Variants in STEAP2 observed in about 807,000 individuals in gnomAD.
STEAP2 encodes STEAP2 metalloreductase, also known as metalloreductase STEAP2.
Under a neutral mutation model 46.4 loss-of-function variants are expected in STEAP2, and 30 were observed. The ratio of observed to expected loss-of-function variants is 0.65; its 90% confidence interval spans 0.48 to 0.88. The LOEUF is 0.88. Ranked by LOEUF, STEAP2 falls within the 40% of genes least tolerant of loss-of-function variation. The probability of loss-of-function intolerance (pLI) is 0.00; values close to 1 mark genes in which losing one functional copy is unlikely to be tolerated. For synonymous variants in STEAP2, 180 were observed against 200.5 expected (o/e 0.90, Z 0.86); for missense variants, 513 against 579.3 (o/e 0.89, Z 1.18).
In STEAP2 at chr7:90,233,173, A is replaced by G; in HGVS notation, c.*549A>G. The G allele has an allele frequency of 1.0e-6, 1 of 979,520 alleles. No homozygotes were observed. The highest frequency in any genetic ancestry group is 1.2e-6 in the Non-Finnish European group (1 of 824,840). 60.7% of individuals were successfully genotyped at this position (979,520 alleles called of 1,614,324 possible). A position where few individuals can be genotyped will look rare whatever the true frequency, so the allele number is the denominator to read the frequency against. On this transcript the variant is annotated 3_prime_UTR_variant, in exon 6 of 6. Coordinates refer to ENST00000394621, the MANE Select transcript of STEAP2 (RefSeq NM_001244944.2). ...TTTGAAGGATGAAATTAATTGTATG[A>G]AGCAATGTGATTATATGAAGAGACA...
rs566184255 is a variant in STEAP2, at chr7:90,211,873, T to C, written c.-319T>C. The C allele has an allele frequency of 9.4e-3, 1,430 of 152,394 alleles. 7 individuals are homozygous for C. Among genetic ancestry groups the C allele is most frequent in the South Asian group, 0.033 (158 of 4,832 alleles). 9.4% of individuals were successfully genotyped at this position (152,394 alleles called of 1,614,324 possible). ...CTGGCTGTTCGCGATCCAGCTTGGGTAGGCGGGGAAGCAGCTGGAGTGCGA... is the reference window on the plus strand; with the variant it reads ...CTGGCTGTTCGCGATCCAGCTTGGGCAGGCGGGGAAGCAGCTGGAGTGCGA... On this transcript the variant is annotated 5_prime_UTR_variant, in exon 1 of 6. Coordinates refer to ENST00000394621, the MANE Select transcript of STEAP2 (RefSeq NM_001244944.2).
At chr7:90,242,191 A>T (rs1008767043), downstream of STEAP2, among the ~76,000 whole-genome samples, 3 of 152,152 alleles carry the variant, frequency 2.0e-5, no homozygotes, top group African/African-American at 7.2e-5. Flanking sequence ...AAATGTTAGA[A>T]GTGGGGAGCT....
downstream of STEAP2, chr7:90,238,229 G>T (rs1338257810): frequency 1.4e-6 from 1 of 696,544 alleles, no homozygotes; most frequent in African/African-American, 1.8e-5. Context: ...CTTTGTGCCT[G>T]TGCACCAGAT....
Position 90,235,792 on chromosome 7 carries a change from T to G in STEAP2, c.*3168T>G, listed in dbSNP as rs1795943332. On this transcript the variant is annotated 3_prime_UTR_variant, in exon 6 of 6. Coordinates refer to ENST00000394621, the MANE Select transcript of STEAP2 (RefSeq NM_001244944.2). ...ATTTTTCAAAACATACATGGAAATTTAGCCCAGATTGTCTACATATAAGGT... is the reference window on the plus strand; with the variant it reads ...ATTTTTCAAAACATACATGGAAATTGAGCCCAGATTGTCTACATATAAGGT... The G allele has an allele frequency of 1.3e-6, 1 of 775,214 alleles. No individual in the cohort carries two copies. The highest frequency in any genetic ancestry group is 1.6e-6 in the Non-Finnish European group (1 of 638,414). 48.0% of individuals were successfully genotyped at this position (775,214 alleles called of 1,614,324 possible).
At chr7:90,223,203 G>T (rs959051022) in intron 2 of STEAP2, among the ~76,000 whole-genome samples, 8 of 152,176 alleles carry the variant, frequency 5.3e-5, no homozygotes, top group Non-Finnish European at 1.2e-4. Flanking sequence ...GCTGTAGGCA[G>T]GTGAAAGATG....
Position 90,236,382 on chromosome 7 carries a change from A to T in STEAP2, c.*3758A>T. The T allele has an allele frequency of 1.0e-6, 1 of 984,260 alleles. No individual in the cohort carries two copies. 61.0% of individuals were successfully genotyped at this position (984,260 alleles called of 1,614,324 possible). ...CTAAAATGTGTTGAAATTATTTTGTAAATCCATGACTTAAAACAAGATACA... is the reference window on the plus strand; with the variant it reads ...CTAAAATGTGTTGAAATTATTTTGTTAATCCATGACTTAAAACAAGATACA... On this transcript the variant is annotated 3_prime_UTR_variant, in exon 6 of 6. Coordinates refer to ENST00000394621, the MANE Select transcript of STEAP2 (RefSeq NM_001244944.2).
chr7:90,239,125 T>C (rs1265634040), downstream of STEAP2, among the ~76,000 whole-genome samples: 1 of 152,238 alleles, frequency 6.6e-6, no homozygotes, highest in South Asian at 2.1e-4. Context: ...ATTGAAATCC[T>C]AACTCCCACA....
chr7:90,217,476 T>C (rs1795070694), intron 2 of STEAP2, among the ~76,000 whole-genome samples: 1 of 152,144 alleles, frequency 6.6e-6, no homozygotes, highest in Admixed American at 6.5e-5. Flanking sequence ...GGGATCCACT[T>C]TTTTAGCTCC....
Position 90,234,629 on chromosome 7 carries a change from C to A in STEAP2, c.*2005C>A. ...GCAGTGGCACGATCTCGGCTCACTG[C>A]AAGCTCTGCCTCCCGGGTTCACGCC... On this transcript the variant is annotated 3_prime_UTR_variant, in exon 6 of 6. Transcript: ENST00000394621. 4.1e-6 allele frequency: 3 copies of A among 738,036 alleles called. No homozygotes were observed. Among genetic ancestry groups the A allele is most frequent in the Non-Finnish European group, 4.9e-6 (3 of 606,214 alleles). 45.7% of individuals were successfully genotyped at this position (738,036 alleles called of 1,614,324 possible).
chr7:90,226,963 T>C lies in STEAP2; in HGVS notation c.493-8T>C, dbSNP rs745907806. 4 of 1,552,016 alleles carry C rather than the reference T, an allele frequency of 2.6e-6. No homozygotes were observed. Among genetic ancestry groups the C allele is most frequent in the Non-Finnish European group, 3.5e-6 (4 of 1,154,078 alleles). Reference sequence around the variant, plus strand: ...TGGTAATGCTGAGTCTTTTTGTTTTTTCCACAGGTTTATATATGCAGCAAC... The same window carrying C: ...TGGTAATGCTGAGTCTTTTTGTTTTCTCCACAGGTTTATATATGCAGCAAC... On this transcript the variant is annotated splice_region_variant and splice_polypyrimidine_tract_variant and intron_variant, in intron 3 of 5. Transcript: ENST00000394621.
chr7:90,235,613 A>G lies in STEAP2; in HGVS notation c.*2989A>G. The G allele has an allele frequency of 5.4e-6, 5 of 929,234 alleles. No homozygotes were observed. The highest frequency in any genetic ancestry group is 5.2e-5 in the South Asian group (1 of 19,370). The allele number at this position is 929,234 out of a possible 1,614,324, so 57.6% of individuals were successfully genotyped here. ...AGAAAAGATACTCAGTCTTAATCCT[A>G]TGCAAAAAAAAAAATCAAGTAATTG... is the stretch of plus-strand genomic sequence containing the variant. On this transcript the variant is annotated 3_prime_UTR_variant, in exon 6 of 6. Transcript: ENST00000394621.
chr7:90,240,786 T>G (rs1441282725), downstream of STEAP2, among the ~76,000 whole-genome samples: 1 of 152,228 alleles, frequency 6.6e-6, no homozygotes, highest in Non-Finnish European at 1.5e-5. This position sits in a 1 kb window ranked among gnomAD's most constrained non-coding sequence, Gnocchi z 4.1. Context: ...TTAACAGAGA[T>G]ATTAAATTCT....
downstream of STEAP2, among the ~76,000 whole-genome samples, chr7:90,237,899 A>G (rs1448888260): frequency 1.3e-5 from 2 of 151,088 alleles, no homozygotes; most frequent in African/African-American, 4.9e-5. Flanking sequence ...TATTCTGTAA[A>G]CTCCCCGTAG....
At chr7:90,238,110 T>C, downstream of STEAP2, 1 of 717,108 alleles carries the variant, frequency 1.4e-6, no homozygotes, top group South Asian at 1.5e-5. Context: ...GGCCTAGCGC[T>C]ACCCTGTTGT....
chr7:90,225,734 G>A (rs1267740261), intron 3 of STEAP2, among the ~76,000 whole-genome samples, 160 bp downstream of exon 3: 1 of 152,014 alleles, frequency 6.6e-6, no homozygotes, highest in Non-Finnish European at 1.5e-5. Context: ...ACCTTGTAAG[G>A]GCACATTCCC....
chr7:90,239,626 AT>A (rs531496103), downstream of STEAP2, among the ~76,000 whole-genome samples: 166 of 151,500 alleles, frequency 1.1e-3, no homozygotes, highest in African/African-American at 3.7e-3. Flanking sequence ...TCTCGGGAAC[AT>A]TTTTTTTTCA....
intron 2 of STEAP2, among the ~76,000 whole-genome samples, chr7:90,220,563 TC>T (rs147707733): frequency 0.15 from 23,332 of 152,118 alleles, 2,813 homozygotes; most frequent in East Asian, 0.65. Context: ...TTTTATCTTT[TC>T]AAAAAACAAA....
Position 90,234,703 on chromosome 7 carries a change from A to C in STEAP2, c.*2079A>C. ...GTAGCTGGGACTACAGGTGCCCGCC[A>C]CCATGCCCGGCTGATTTCTTTTTGT... On this transcript the variant is annotated 3_prime_UTR_variant, in exon 6 of 6. Transcript: ENST00000394621. 2.2e-6 allele frequency: 1 copy of C among 454,316 alleles called. No individual in the cohort carries two copies. Among genetic ancestry groups the C allele is most frequent in the Non-Finnish European group, 2.9e-6 (1 of 345,130 alleles). The allele number at this position is 454,316 out of a possible 1,614,324, so 28.1% of individuals were successfully genotyped here. A position where few individuals can be genotyped will look rare whatever the true frequency, so the allele number is the denominator to read the frequency against.
At chr7:90,213,160 A>G (rs889295278) in intron 1 of STEAP2, among the ~76,000 whole-genome samples, 5 of 152,194 alleles carry the variant, frequency 3.3e-5, no homozygotes, top group Non-Finnish European at 2.9e-5. Context: ...TCTGCCTCTT[A>G]GCTAGTCACT....
Sources: gnomAD v4.1 joint callset for allele counts (sites outside exome capture counted in the v4.1 genomes callset) on GRCh38, gnomAD v4.1.1 for gene constraint, Gnocchi (gnomAD v3.1) non-coding constraint, MANE v1.5 for transcripts, NCBI Gene and HGNC (gene_info 2026-07-23, HGNC 2026-07-21) for gene names.